The following BARX2 variants were observed in gnomAD, a reference collection of about 807,000 sequenced individuals.
The protein encoded by BARX2 is homeobox protein BarH-like 2.
In BARX2, 11 loss-of-function variants were observed where a neutral mutation model predicts 25.5. The ratio of observed to expected loss-of-function variants is 0.43; its 90% CI spans 0.27 to 0.71. BARX2 has a LOEUF of 0.71. Ranked by LOEUF, BARX2 falls within the 30% of genes least tolerant of loss-of-function variation. The probability of loss-of-function intolerance (pLI) is 0.19; values close to 1 mark genes in which losing one functional copy is unlikely to be tolerated. For missense variants in BARX2, 360 were observed against 359.9 expected, an observed-to-expected ratio of 1.00 and a Z score of 0.00; for synonymous variants, 137 against 149.5, an observed-to-expected ratio of 0.92 and a Z score of 0.61.
intron 1 of BARX2, among the ~76,000 whole-genome samples, chr11:129,384,715 A>G (rs773653150): frequency 2.0e-4 from 31 of 152,356 alleles, no homozygotes; most frequent in Admixed American, 5.2e-4. Flanking sequence ...TGAGTCTTAC[A>G]GTACTTATCC....
chr11:129,421,367 A>G (rs1477259082), intron 1 of BARX2, among the ~76,000 whole-genome samples: 1 of 152,208 alleles, frequency 6.6e-6, no homozygotes, highest in African/African-American at 2.4e-5. Flanking sequence ...ATTCTATCCA[A>G]CAAAATCCTT....
chr11:129,444,958 A>T (rs1055576430), intron 3 of BARX2, among the ~76,000 whole-genome samples: 5 of 152,136 alleles, frequency 3.3e-5, no homozygotes, highest in Non-Finnish European at 4.4e-5. Flanking sequence ...CCAAGATCAC[A>T]CCATTGCTCT....
rs978544066 is a variant in BARX2 at position 129,421,512 on chromosome 11, A to T, written c.188-15239A>T. Among the ~76,000 whole-genome samples the T allele has an allele frequency of 7.2e-5, 11 of 152,240 alleles. 1 individual carries two copies. The highest frequency in any genetic ancestry group is 2.7e-4 in the African/African-American group (11 of 41,460). On this transcript the variant is annotated intron_variant, in intron 1 of 3. Transcript: ENST00000281437. Reference sequence around the variant, plus strand: ...TAATCACTAAGGATACACATCTATTAGAAATGAATAGAATACCAAAAAGAG... The same window carrying T: ...TAATCACTAAGGATACACATCTATTTGAAATGAATAGAATACCAAAAAGAG...
rs558754144 is a variant in BARX2, at chr11:129,445,728, T to C, written c.573+2809T>C. Among the ~76,000 whole-genome samples the C allele has an allele frequency of 2.6e-5, 4 of 152,304 alleles. No homozygotes were observed. The South Asian group carries it at 6.2e-4, about 24-fold the overall frequency. On this transcript the variant is annotated intron_variant, in intron 3 of 3. Transcript: ENST00000281437. ...AATTATAAAAAGGTACTCAGTCAAGTGCAGAAGACACATCTGCAAACTGGT... is the reference window on the plus strand; with the variant it reads ...AATTATAAAAAGGTACTCAGTCAAGCGCAGAAGACACATCTGCAAACTGGT...
At chr11:129,386,366 C>G (rs568113031) in intron 1 of BARX2, among the ~76,000 whole-genome samples, 1 of 152,302 alleles carries the variant, frequency 6.6e-6, no homozygotes, top group South Asian at 2.1e-4. Flanking sequence ...CAGAAATTAT[C>G]TAAGGACAGC....
chr11:129,440,102 G>A (rs1350360143), intron 2 of BARX2, among the ~76,000 whole-genome samples: 1 of 152,124 alleles, frequency 6.6e-6, no homozygotes, highest in African/African-American at 2.4e-5. Context: ...CCAGGGCCAT[G>A]AGCACTCCCT....
intron 1 of BARX2, among the ~76,000 whole-genome samples, chr11:129,381,982 T>G (rs951609906): frequency 1.3e-5 from 2 of 152,210 alleles, no homozygotes; most frequent in African/African-American, 4.8e-5. Context: ...AGACGCGTGC[T>G]GGGGCCTCTT....
intron 1 of BARX2, among the ~76,000 whole-genome samples, chr11:129,383,409 G>A (rs536102131): frequency 5.9e-5 from 9 of 152,284 alleles, no homozygotes; most frequent in African/African-American, 1.2e-4. Context: ...ATTTGGGCTC[G>A]AGTTGAATCC....
intron 1 of BARX2, among the ~76,000 whole-genome samples, chr11:129,421,988 A>G (rs1299395342): frequency 6.6e-6 from 1 of 152,124 alleles, no homozygotes; most frequent in African/African-American, 2.4e-5. Context: ...ATGTCAGTTA[A>G]ATGCCACTCT....
At chr11:129,431,139 T>C (rs1028588650) in intron 1 of BARX2, among the ~76,000 whole-genome samples, 1 of 152,188 alleles carries the variant, frequency 6.6e-6, no homozygotes, top group Non-Finnish European at 1.5e-5. Context: ...TCAATCGTTT[T>C]ATTGCTTTAT....
At chr11:129,435,207 AT>A (rs895544115) in intron 1 of BARX2, among the ~76,000 whole-genome samples, 1 of 151,658 alleles carries the variant, frequency 6.6e-6, no homozygotes, top group Non-Finnish European at 1.5e-5. Context: ...CTCCCAGGTG[AT>A]TTTTTTTTCT....
chr11:129,444,113 A>T (rs1379165297), intron 3 of BARX2, among the ~76,000 whole-genome samples: 1 of 152,144 alleles, frequency 6.6e-6, no homozygotes, highest in African/African-American at 2.4e-5. Flanking sequence ...TTTCAGGAAA[A>T]AAAAAAAGTC....
chr11:129,425,841 C>T (rs955195220), intron 1 of BARX2, among the ~76,000 whole-genome samples: 6 of 152,136 alleles, frequency 3.9e-5, no homozygotes, highest in African/African-American at 1.4e-4. Flanking sequence ...CCCCACTCCA[C>T]CTCTCTGCCC....
intron 1 of BARX2, among the ~76,000 whole-genome samples, chr11:129,433,540 C>G (rs1459777936): frequency 6.6e-6 from 1 of 152,170 alleles, no homozygotes. Flanking sequence ...AGATCTCTTC[C>G]CAGTTTTCTC....
rs760705981 is a variant in BARX2 at position 129,436,763 on chromosome 11, T to C, written c.200T>C (p.Leu67Pro). Residue 67 changes from leucine to proline, a missense_variant, in exon 2 of 4, where the codon CTG (leucine) becomes CCG (proline). Transcript: ENST00000281437. The surrounding 1 kb of genome is among the most constrained non-coding windows in gnomAD (Gnocchi z 4.5). ...GCTTGTTTTCCAGGCTCCCCTTCCC[T>C]GCGGGCATATCCGCTCCTCTCGGTG... ...PLHSCTGSPS[L>P]RAYPLLSVIT... 25 of 1,581,050 alleles carry C rather than the reference T, an allele frequency of 1.6e-5. No individual in the cohort carries two copies. The highest frequency in any genetic ancestry group is 1.8e-5 in the Admixed American group (1 of 56,508).
intron 1 of BARX2, among the ~76,000 whole-genome samples, chr11:129,385,667 G>A (rs952055744): frequency 6.6e-6 from 1 of 152,092 alleles, no homozygotes; most frequent in Non-Finnish European, 1.5e-5. Flanking sequence ...ATTTTCCTAT[G>A]TAATTTATTT....
chr11:129,403,276 A>G (rs1318438311), intron 1 of BARX2, among the ~76,000 whole-genome samples: 1 of 152,224 alleles, frequency 6.6e-6, no homozygotes, highest in Non-Finnish European at 1.5e-5. Flanking sequence ...TGAAGTGGAT[A>G]TATTAGGGCA....
rs369901744 is a variant in BARX2, at chr11:129,388,293, C to T, written c.187+12071C>T. On this transcript the variant is annotated intron_variant, in intron 1 of 3. Coordinates refer to ENST00000281437, the MANE Select transcript of BARX2 (RefSeq NM_003658.5). ...ATGATTCCAGAGGGATTCCAAGAGG[C>T]GGTGGGGTTTTGCGGGGAAGGGAGG... Among the ~76,000 whole-genome samples, 170 of 152,044 alleles carry T rather than the reference C, an allele frequency of 1.1e-3. 1 individual carries two copies. In the East Asian group the frequency reaches 0.023, roughly 20 times the overall value.
chr11:129,422,071 G>C (rs1862010792), intron 1 of BARX2, among the ~76,000 whole-genome samples: 1 of 151,964 alleles, frequency 6.6e-6, no homozygotes, highest in South Asian at 2.1e-4. Context: ...TTAGAGATGG[G>C]GTCTTGCTCT....
Sources: gnomAD v4.1 joint callset for allele counts (sites outside exome capture counted in the v4.1 genomes callset) on GRCh38, gnomAD v4.1.1 for gene constraint, Gnocchi (gnomAD v3.1) non-coding constraint, MANE v1.5 for transcripts, NCBI Gene and HGNC (gene_info 2026-07-23, HGNC 2026-07-21) for gene names.